The following DGUOK variants were observed in gnomAD, a reference collection of about 807,000 sequenced individuals.
The protein encoded by DGUOK is deoxyguanosine kinase, mitochondrial.
DGUOK carries 30 observed loss-of-function variants against 36.6 expected under a neutral mutation model. That is an observed-to-expected ratio of 0.82 (90% CI 0.61 to 1.11). The LOEUF (loss-of-function observed/expected upper bound fraction) is 1.11. Among genes scored for constraint, DGUOK ranks in the 50% most tolerant of loss-of-function variants. The pLI, the probability that DGUOK is intolerant of heterozygous loss-of-function variation, is 0.00. For synonymous variants in DGUOK, 145 were observed against 126.3 expected (o/e 1.15, Z -0.99); for missense variants, 361 against 336.4 (o/e 1.07, Z -0.57).
intron 5 of DGUOK, among the ~76,000 whole-genome samples, chr2:73,957,676 A>T (rs906054319): frequency 6.6e-6 from 1 of 152,222 alleles, no homozygotes; most frequent in Non-Finnish European, 1.5e-5. Flanking sequence ...GCCCAGAAGA[A>T]GTTTAATATT....
chr2:73,958,382 GGAATCTTGTGCA>G, intron 6 of DGUOK, 137 bp downstream of exon 6: 1 of 733,148 alleles, frequency 1.4e-6, no homozygotes, highest in Admixed American at 2.0e-5. Context: ...CAAGGCCTAT[GGAATCTTGTGCA>G]GATTACAAAT....
intron 4 of DGUOK, among the ~76,000 whole-genome samples, chr2:73,951,918 C>T (rs552309062): frequency 6.6e-6 from 1 of 152,330 alleles, no homozygotes; most frequent in African/African-American, 2.4e-5. Flanking sequence ...CCTACAATCC[C>T]AGCACTTTGG....
At chr2:73,940,971 C>T (rs547718775) in intron 2 of DGUOK, among the ~76,000 whole-genome samples, 4 of 152,374 alleles carry the variant, frequency 2.6e-5, no homozygotes, top group Non-Finnish European at 5.9e-5. Context: ...TGATATTCCT[C>T]CCTTCTAGAA....
At chr2:73,931,271 T>G (rs1040165441) in intron 1 of DGUOK, among the ~76,000 whole-genome samples, 4 of 151,782 alleles carry the variant, frequency 2.6e-5, no homozygotes, top group Non-Finnish European at 2.9e-5. Flanking sequence ...TTGGGGGTTT[T>G]TTTGTTTGTT....
chr2:73,931,795 T>A (rs1032309072), intron 1 of DGUOK, among the ~76,000 whole-genome samples: 2 of 152,112 alleles, frequency 1.3e-5, no homozygotes, highest in African/African-American at 4.8e-5. Flanking sequence ...TGTGCACTAG[T>A]TTTGTGGCTA....
Position 73,932,758 on chromosome 2 carries a change from G to A in DGUOK, c.142+5706G>A, listed in dbSNP as rs550929549. On this transcript the variant is annotated intron_variant, in intron 1 of 6. Transcript: ENST00000264093. ...TTCTGATCCTGAAGGTGCAGACAGC[G>A]GCATGTAAGGAAAATTGATCAGTGA... The A allele has an allele frequency of 4.8e-4, 353 of 741,712 alleles. 3 individuals are homozygous for A. In the South Asian group the frequency reaches 6.2e-3, roughly 13 times the overall value. 45.9% of individuals were successfully genotyped at this position (741,712 alleles called of 1,614,324 possible).
intron 3 of DGUOK, among the ~76,000 whole-genome samples, chr2:73,949,819 C>G (rs1336563796): frequency 6.6e-6 from 1 of 152,140 alleles, no homozygotes; most frequent in Non-Finnish European, 1.5e-5. Context: ...TTGTCTGAAG[C>G]CATGGTTTAT....
intron 2 of DGUOK, 61 bp downstream of exon 2, chr2:73,939,083 T>A: frequency 8.8e-7 from 1 of 1,134,342 alleles, no homozygotes; most frequent in Non-Finnish European, 1.3e-6. Context: ...ATTGTCATAA[T>A]TTAATTTACT....
At chr2:73,938,796 A>T (rs1681673980) in intron 1 of DGUOK, 114 bp from the exon 2 acceptor site, 1 of 775,912 alleles carries the variant, frequency 1.3e-6, no homozygotes, top group Admixed American at 1.8e-5. Flanking sequence ...TTTGAAATTC[A>T]GAAAACTAAT....
intron 2 of DGUOK, among the ~76,000 whole-genome samples, chr2:73,943,498 A>G (rs1055719193): frequency 1.3e-5 from 2 of 152,062 alleles, no homozygotes; most frequent in African/African-American, 4.8e-5. Context: ...CATCAATGTT[A>G]TGAAAATAAA....
intron 4 of DGUOK, among the ~76,000 whole-genome samples, chr2:73,956,087 A>G (rs1431567341): frequency 6.6e-6 from 1 of 152,222 alleles, no homozygotes; most frequent in Non-Finnish European, 1.5e-5. Context: ...GTCCAGGGGA[A>G]GAGCTAAGGC....
chr2:73,950,997 A>T (rs1682667426), intron 4 of DGUOK, among the ~76,000 whole-genome samples: 1 of 152,136 alleles, frequency 6.6e-6, no homozygotes, highest in Admixed American at 6.5e-5. Flanking sequence ...TGTCATCTTT[A>T]TGATGACGCT....
chr2:73,951,285 G>A (rs990343940), intron 4 of DGUOK, among the ~76,000 whole-genome samples: 2 of 152,140 alleles, frequency 1.3e-5, no homozygotes, highest in African/African-American at 4.8e-5. Context: ...CACGGCAGGA[G>A]CACCAGAGTC....
Position 73,950,749 on chromosome 2 carries a change from A to G in DGUOK, c.591+17A>G. The G allele has an allele frequency of 6.2e-7, 1 of 1,614,154 alleles. No homozygotes were observed. Among genetic ancestry groups the G allele is most frequent in the Non-Finnish European group, 8.5e-7 (1 of 1,180,022 alleles). On this transcript the variant is annotated intron_variant, in intron 4 of 6. Coordinates refer to ENST00000264093, the MANE Select transcript of DGUOK (RefSeq NM_080916.3). ...TCTCCCCAGGTAACACTGAACCTAC[A>G]ACCTTAGACTTTAGGGCCATATGAA...
intron 4 of DGUOK, among the ~76,000 whole-genome samples, chr2:73,953,322 G>A (rs1476524477): frequency 1.3e-5 from 2 of 151,440 alleles, no homozygotes; most frequent in African/African-American, 4.9e-5. Context: ...TCGTCACTTG[G>A]GGGCAGATCT....
At chr2:73,955,140 AATAG>A (rs1315096313) in intron 4 of DGUOK, among the ~76,000 whole-genome samples, 1 of 152,246 alleles carries the variant, frequency 6.6e-6, no homozygotes, top group East Asian at 1.9e-4. Flanking sequence ...AGCTTATTTT[AATAG>A]ATCAATGTTA....
intron 1 of DGUOK, among the ~76,000 whole-genome samples, chr2:73,929,283 T>C (rs1680835780): frequency 6.6e-6 from 1 of 152,230 alleles, no homozygotes; most frequent in Admixed American, 6.5e-5. Context: ...TAATTTTGTA[T>C]ATTTTTTGTA....
rs532120181 is a variant in DGUOK at position 73,942,323 on chromosome 2, T to A, written c.255+3301T>A. Among the ~76,000 whole-genome samples the A allele has an allele frequency of 2.0e-5, 3 of 152,350 alleles. No homozygotes were observed. The East Asian group carries it at 5.8e-4, about 29-fold the overall frequency. On this transcript the variant is annotated intron_variant, in intron 2 of 6. Transcript: ENST00000264093. ...TCCTCATAGTTAGCACCTTTGATGTTAAAATTGTAGCCCAGGAGTATAAAA... is the reference window on the plus strand; with the variant it reads ...TCCTCATAGTTAGCACCTTTGATGTAAAAATTGTAGCCCAGGAGTATAAAA...
At chr2:73,947,404 C>T (rs1682413987) in intron 3 of DGUOK, among the ~76,000 whole-genome samples, 1 of 151,952 alleles carries the variant, frequency 6.6e-6, no homozygotes, top group Admixed American at 6.6e-5. Context: ...GCAGAAATAG[C>T]ACATCTGAGA....
Sources: allele counts gnomAD v4.1 joint callset (sites outside exome capture counted in the v4.1 genomes callset), GRCh38; gene constraint gnomAD v4.1.1; transcripts MANE v1.5; gene names NCBI Gene and HGNC (gene_info 2026-07-23, HGNC 2026-07-21).